The following OPCML variants were observed in gnomAD, a reference collection of about 807,000 sequenced individuals.
OPCML encodes opioid binding protein/cell adhesion molecule like, also known as opioid-binding protein/cell adhesion molecule.
A neutral mutation model predicts 37.8 loss-of-function variants in OPCML; 13 were observed. That is an observed-to-expected ratio of 0.34 (90% confidence interval 0.22 to 0.55). The LOEUF (loss-of-function observed/expected upper bound fraction) is 0.55, where lower values mean the gene tolerates loss of function less well. OPCML is among the 20% of genes least tolerant of loss of function. OPCML has a pLI of 0.91. For missense variants in OPCML, 341 were observed against 435.6 expected, an observed-to-expected ratio of 0.78 and a Z score of 1.93; for synonymous variants, 176 against 168.8, an observed-to-expected ratio of 1.04 and a Z score of -0.33.
rs73596419 is a variant in OPCML, at chr11:133,147,747, C to G, written c.62-204737G>C. Among the ~76,000 whole-genome samples the G allele has an allele frequency of 1.3e-3, 196 of 152,256 alleles. 1 individual carries two copies. Among genetic ancestry groups the G allele is most frequent in the African/African-American group, 4.5e-3 (185 of 41,564 alleles). ...GTGCCAGGCACCAGAGCAGACAGGT[C>G]CTGGTTGTACAAACTGCAAATGATA... On this transcript the variant is annotated intron_variant, in intron 1 of 7. Coordinates refer to ENST00000524381, the MANE Select transcript of OPCML (RefSeq NM_001012393.5).
chr11:132,563,885 T>C (rs2096416254), intron 3 of OPCML, among the ~76,000 whole-genome samples: 1 of 152,176 alleles, frequency 6.6e-6, no homozygotes, highest in Non-Finnish European at 1.5e-5. Flanking sequence ...GAGGAGATGT[T>C]GCAAGATTTA....
intron 2 of OPCML, among the ~76,000 whole-genome samples, chr11:132,798,923 A>G (rs983116964): frequency 6.6e-6 from 1 of 152,218 alleles, no homozygotes; most frequent in African/African-American, 2.4e-5. Context: ...GCAAGTCTCA[A>G]CTGTGGGTTC....
chr11:133,213,103 C>T (rs1199935635), intron 1 of OPCML, among the ~76,000 whole-genome samples: 5 of 152,132 alleles, frequency 3.3e-5, no homozygotes, highest in Admixed American at 2.6e-4. Flanking sequence ...TTTTCTGTGC[C>T]TCAATTTTCT....
chr11:132,576,796 A>C (rs1343652208), intron 3 of OPCML, among the ~76,000 whole-genome samples: 1 of 151,794 alleles, frequency 6.6e-6, no homozygotes, highest in African/African-American at 2.4e-5. Flanking sequence ...AATTCTACTA[A>C]CTCTTTCCCT....
At chr11:132,914,594 C>T (rs1032914662) in intron 2 of OPCML, among the ~76,000 whole-genome samples, 4 of 152,146 alleles carry the variant, frequency 2.6e-5, no homozygotes, top group Non-Finnish European at 5.9e-5. Context: ...AGAGAGTGAA[C>T]GGCTGTGCTG....
At chr11:133,331,718 G>A (rs1350344420) in intron 1 of OPCML, among the ~76,000 whole-genome samples, 1 of 151,794 alleles carries the variant, frequency 6.6e-6, no homozygotes, top group Non-Finnish European at 1.5e-5. Flanking sequence ...TGAAATTTTA[G>A]CATTTGTAAA....
intron 2 of OPCML, among the ~76,000 whole-genome samples, chr11:132,824,106 A>C (rs1363722822): frequency 6.6e-6 from 1 of 152,106 alleles, no homozygotes; most frequent in African/African-American, 2.4e-5. Context: ...TTTAAATCTC[A>C]GCCCTGAATG....
intron 3 of OPCML, among the ~76,000 whole-genome samples, chr11:132,595,067 T>C (rs1488084084): frequency 6.6e-6 from 1 of 152,116 alleles, no homozygotes; most frequent in African/African-American, 2.4e-5. Context: ...GTAATTAGAG[T>C]TCTGTCTCTC....
chr11:133,220,659 T>TA (rs1939777074), intron 1 of OPCML, among the ~76,000 whole-genome samples: 1 of 152,146 alleles, frequency 6.6e-6, no homozygotes, highest in Non-Finnish European at 1.5e-5. Context: ...CTTCAGGTCT[T>TA]AAAATCACAG....
At chr11:133,036,271 G>A (rs905971790) in intron 1 of OPCML, among the ~76,000 whole-genome samples, 28 of 152,234 alleles carry the variant, frequency 1.8e-4, no homozygotes, top group Admixed American at 1.3e-3. Flanking sequence ...AGGATGGTGC[G>A]AATGTGTGTT....
intron 1 of OPCML, among the ~76,000 whole-genome samples, chr11:132,989,551 A>T (rs1946736600): frequency 6.6e-6 from 1 of 150,402 alleles, no homozygotes; most frequent in Admixed American, 6.6e-5. Context: ...AGGAGGATGG[A>T]TGGGGGAGGA....
chr11:133,039,953 C>G (rs569859683), intron 1 of OPCML, among the ~76,000 whole-genome samples: 1 of 151,426 alleles, frequency 6.6e-6, no homozygotes. Context: ...TACTTGAACC[C>G]GGGAGGCGGA....
chr11:132,759,725 T>G (rs1021881522), intron 2 of OPCML, among the ~76,000 whole-genome samples: 5 of 152,170 alleles, frequency 3.3e-5, no homozygotes, highest in Admixed American at 1.3e-4. Context: ...TCTATCTATT[T>G]TGTTAATCTT....
chr11:133,423,580 G>T, intron 1 of OPCML: 1 of 749,836 alleles, frequency 1.3e-6, no homozygotes, highest in Non-Finnish European at 1.6e-6. Flanking sequence ...ATCTGTGAAA[G>T]ATAGGAAGCA....
intron 1 of OPCML, among the ~76,000 whole-genome samples, chr11:133,009,754 C>T (rs773388424): frequency 6.6e-6 from 1 of 152,188 alleles, no homozygotes; most frequent in Non-Finnish European, 1.5e-5. Flanking sequence ...CTATGAGAAT[C>T]TAATGCCGCC....
intron 1 of OPCML, among the ~76,000 whole-genome samples, chr11:133,437,722 G>A (rs190387153): frequency 1.4e-4 from 15 of 104,838 alleles, no homozygotes; most frequent in Non-Finnish European, 2.2e-4. Flanking sequence ...TCTCAACCCC[G>A]CTCACCTCTC....
At chr11:132,642,274 T>A (rs1940893007) in intron 3 of OPCML, among the ~76,000 whole-genome samples, 1 of 152,226 alleles carries the variant, frequency 6.6e-6, no homozygotes, top group Admixed American at 6.5e-5. Context: ...CATCTCTTCA[T>A]TCTCTCTCAA....
chr11:133,420,335 G>A, intron 1 of OPCML: 3 of 985,448 alleles, frequency 3.0e-6, no homozygotes, highest in Non-Finnish European at 3.6e-6. Flanking sequence ...ATCCTTTTTA[G>A]ATATCCTTTG....
At chr11:133,036,636 T>C (rs1050210567) in intron 1 of OPCML, among the ~76,000 whole-genome samples, 4 of 152,236 alleles carry the variant, frequency 2.6e-5, no homozygotes, top group African/African-American at 9.6e-5. Flanking sequence ...TAATGTATTC[T>C]ATAGAGCATA....
Sources: gnomAD v4.1 joint callset for allele counts (sites outside exome capture counted in the v4.1 genomes callset) on GRCh38, gnomAD v4.1.1 for gene constraint, MANE v1.5 for transcripts, NCBI Gene and HGNC (gene_info 2026-07-23, HGNC 2026-07-21) for gene names.